Variants in MGAT4C observed in about 807,000 individuals in gnomAD.
The protein encoded by MGAT4C is MGAT4 family member C.
In MGAT4C, 19 loss-of-function variants were observed where a neutral mutation model predicts 40.1. The observed-to-expected ratio is 0.47, with a 90% CI of 0.33 to 0.70. MGAT4C has a LOEUF of 0.70. Ranked by LOEUF, MGAT4C falls within the 30% of genes least tolerant of loss-of-function variation. MGAT4C has a pLI of 0.02. For synonymous variants in MGAT4C, 181 were observed against 187.1 expected (o/e 0.97, Z 0.27); for missense variants, 491 against 563.2 (o/e 0.87, Z 1.30).
In MGAT4C at chr12:86,174,110, G is replaced by GACACAC. The variant is rs1158680870; in HGVS notation, c.-57+82123_-57+82128dup. On this transcript the variant is annotated intron_variant, in intron 1 of 4. Coordinates refer to ENST00000611864, the MANE Select transcript of MGAT4C (RefSeq NM_001351288.2). ...AAAGTAGGTTATTCTTACCAAAAAA[G>GACACAC]ACACACACACACATACACACACACA... Among the ~76,000 whole-genome samples, 34 of 92,334 alleles carry GACACAC rather than the reference G, an allele frequency of 3.7e-4. No homozygotes were observed. The East Asian group carries it at 9.1e-3, about 25-fold the overall frequency. 60.6% of individuals were successfully genotyped at this position (92,334 alleles called of 152,430 possible).
chr12:86,354,377 C>G (rs561731651), intron 3 of MGAT4C, among the ~76,000 whole-genome samples: 3 of 152,254 alleles, frequency 2.0e-5, no homozygotes, highest in African/African-American at 7.2e-5. Flanking sequence ...CTAGGCATAG[C>G]TCAACTACTC....
At chr12:86,069,827 T>C (rs1565938048) in intron 1 of MGAT4C, among the ~76,000 whole-genome samples, 1 of 152,054 alleles carries the variant, frequency 6.6e-6, no homozygotes, top group African/African-American at 2.4e-5. Flanking sequence ...ATGTTTTTTT[T>C]CCCCTCCCCA....
intron 1 of MGAT4C, among the ~76,000 whole-genome samples, chr12:86,806,848 G>A (rs1019780004): frequency 1.3e-5 from 2 of 151,706 alleles, no homozygotes; most frequent in Non-Finnish European, 2.9e-5. Context: ...ACACACTGGG[G>A]CCTGTTGTGG....
chr12:86,174,126 C>T (rs1251443970), intron 1 of MGAT4C, among the ~76,000 whole-genome samples: 2 of 90,424 alleles, frequency 2.2e-5, no homozygotes, highest in African/African-American at 5.8e-5. Context: ...CACACACATA[C>T]ACACACACAC....
chr12:85,991,321 C>T (rs1333030208), intron 2 of MGAT4C, among the ~76,000 whole-genome samples: 5 of 152,264 alleles, frequency 3.3e-5, no homozygotes, highest in East Asian at 3.9e-4. Flanking sequence ...GAGGAGGAAG[C>T]GCATGCCAAC....
chr12:86,238,391 T>C (rs1951641902), intron 1 of MGAT4C, among the ~76,000 whole-genome samples: 1 of 152,036 alleles, frequency 6.6e-6, no homozygotes, highest in Non-Finnish European at 1.5e-5. Flanking sequence ...TCTAATACAA[T>C]CATCAAGTTT....
intron 2 of MGAT4C, among the ~76,000 whole-genome samples, chr12:86,457,836 A>T (rs1957534458): frequency 6.6e-6 from 1 of 152,066 alleles, no homozygotes. Flanking sequence ...AAATAATAAT[A>T]AATAAAATCA....
intron 2 of MGAT4C, among the ~76,000 whole-genome samples, chr12:86,533,376 GAGA>G (rs1959015246): frequency 6.6e-6 from 1 of 151,932 alleles, no homozygotes; most frequent in Admixed American, 6.6e-5. Context: ...CCATTCTGTG[GAGA>G]AGGAGTCACT....
chr12:86,045,578 C>T (rs1033996757), intron 2 of MGAT4C, among the ~76,000 whole-genome samples: 1 of 152,106 alleles, frequency 6.6e-6, no homozygotes, highest in East Asian at 1.9e-4. Flanking sequence ...AAAACAAAAC[C>T]CCCAAATTTT....
chr12:86,645,816 T>C (rs1481036178), intron 2 of MGAT4C, among the ~76,000 whole-genome samples: 1 of 151,780 alleles, frequency 6.6e-6, no homozygotes, highest in Non-Finnish European at 1.5e-5. Flanking sequence ...CAGCATTATT[T>C]AGTGAGATTC....
intron 2 of MGAT4C, among the ~76,000 whole-genome samples, chr12:86,499,578 A>G (rs1958300295): frequency 6.6e-6 from 1 of 151,848 alleles, no homozygotes; most frequent in South Asian, 2.1e-4. Flanking sequence ...TGCCAGACCT[A>G]TATGAAAAGA....
chr12:86,140,598 G>A (rs375133113), intron 1 of MGAT4C, among the ~76,000 whole-genome samples: 1 of 152,108 alleles, frequency 6.6e-6, no homozygotes, highest in South Asian at 2.1e-4. Flanking sequence ...CATGGTACAT[G>A]TATACCTATG....
chr12:86,131,193 A>C (rs1325057121), intron 1 of MGAT4C, among the ~76,000 whole-genome samples: 1 of 152,090 alleles, frequency 6.6e-6, no homozygotes, highest in Non-Finnish European at 1.5e-5. Flanking sequence ...AAAATGTGAT[A>C]ATAATATCTA....
Position 86,081,426 on chromosome 12 carries a change from T to A in MGAT4C, c.-56-31703A>T, listed in dbSNP as rs145293405. Among the ~76,000 whole-genome samples the A allele has an allele frequency of 5.6e-3, 858 of 152,298 alleles. 6 individuals carry two copies. The highest frequency in any genetic ancestry group is 0.019 in the African/African-American group (801 of 41,562). The stretch of plus-strand genomic sequence containing the variant: ...GGACCTCATTTTAATCTCCTATAGA[T>A]GCTGTTTATTATAATATTACATTTG... On this transcript the variant is annotated intron_variant, in intron 1 of 4. Coordinates refer to ENST00000611864, the MANE Select transcript of MGAT4C (RefSeq NM_001351288.2).
chr12:86,501,317 G>T (rs1958336398), intron 2 of MGAT4C, among the ~76,000 whole-genome samples: 1 of 151,942 alleles, frequency 6.6e-6, no homozygotes, highest in Non-Finnish European at 1.5e-5. Flanking sequence ...TTCCCCCTTA[G>T]CACATGTATT....
chr12:86,503,661 C>CATAT (rs1368564858), intron 2 of MGAT4C, among the ~76,000 whole-genome samples: 1 of 16,472 alleles, frequency 6.1e-5, no homozygotes, highest in Non-Finnish European at 9.0e-5. Context: ...GAGTTCTGCT[C>CATAT]ATATATATAT....
chr12:86,418,675 A>G (rs1956766491), intron 3 of MGAT4C, among the ~76,000 whole-genome samples: 1 of 152,116 alleles, frequency 6.6e-6, no homozygotes, highest in Non-Finnish European at 1.5e-5. Context: ...AATAAGTGAA[A>G]GTATAAATGC....
intron 1 of MGAT4C, among the ~76,000 whole-genome samples, chr12:86,127,769 C>A (rs897151225): frequency 6.6e-6 from 1 of 152,096 alleles, no homozygotes; most frequent in Non-Finnish European, 1.5e-5. Context: ...GAAACAGGGT[C>A]AGGATCATCT....
rs573919205 is a variant in MGAT4C, at chr12:85,967,363, G to A, written c.*11926C>T. 1 of 152,174 alleles carries A rather than the reference G, an allele frequency of 6.6e-6. No homozygotes were observed. Among genetic ancestry groups the A allele is most frequent in the African/African-American group, 2.4e-5 (1 of 41,534 alleles). The allele number at this position is 152,174 out of a possible 1,614,324, so 9.4% of individuals were successfully genotyped here. A position where few individuals can be genotyped will look rare whatever the true frequency, so the allele number is the denominator to read the frequency against. On this transcript the variant is annotated 3_prime_UTR_variant, in exon 5 of 5. Coordinates refer to ENST00000611864, the MANE Select transcript of MGAT4C (RefSeq NM_001351288.2). ...GTTTAAAGAAAAAACTGGTTATCTT[G>A]AAGCTGTCAAATAATTATAAGAAAT...
Sources: gnomAD v4.1 joint callset for allele counts (sites outside exome capture counted in the v4.1 genomes callset) on GRCh38, gnomAD v4.1.1 for gene constraint, MANE v1.5 for transcripts, NCBI Gene and HGNC (gene_info 2026-07-23, HGNC 2026-07-21) for gene names.